Variants in NRXN3 observed in about 807,000 individuals in gnomAD.
NRXN3 encodes neurexin 3.
In NRXN3, 32 loss-of-function variants were observed where a neutral mutation model predicts 137.6. The ratio of observed to expected loss-of-function variants is 0.23; its 90% CI spans 0.18 to 0.31. NRXN3 has a LOEUF of 0.31. Ranked by LOEUF, NRXN3 falls within the 10% of genes least tolerant of loss-of-function variation. The probability of loss-of-function intolerance (pLI) is 1.00; values close to 1 mark genes in which losing one functional copy is unlikely to be tolerated. For synonymous variants in NRXN3, 798 were observed against 784.5 expected, an observed-to-expected ratio of 1.02 and a Z score of -0.29; for missense variants, 1,574 against 2,062.5, an observed-to-expected ratio of 0.76 and a Z score of 4.59.
chr14:78,295,773 C>G (rs1161623277), intron 3 of NRXN3, among the ~76,000 whole-genome samples: 1 of 152,124 alleles, frequency 6.6e-6, no homozygotes, highest in Non-Finnish European at 1.5e-5. Context: ...GTGAAATACA[C>G]TTTGGGAAGC....
chr14:79,864,504 C>T lies in NRXN3; in HGVS notation c.*2540C>T, dbSNP rs2099417100. The T allele has an allele frequency of 6.6e-6, 1 of 152,430 alleles. No individual in the cohort carries two copies. 9.4% of individuals were successfully genotyped at this position (152,430 alleles called of 1,614,324 possible). On this transcript the variant is annotated 3_prime_UTR_variant, in exon 21 of 21. Coordinates refer to ENST00000335750, the MANE Select transcript of NRXN3 (RefSeq NM_001330195.2). ...AATTATGTCATATCTTATTAAAAGCCGAGTAAGAGCTAGACCACTTTCATG... is the reference window on the plus strand; with the variant it reads ...AATTATGTCATATCTTATTAAAAGCTGAGTAAGAGCTAGACCACTTTCATG...
chr14:79,190,130 A>G (rs904707289), intron 15 of NRXN3, among the ~76,000 whole-genome samples: 1 of 152,178 alleles, frequency 6.6e-6, no homozygotes, highest in Admixed American at 6.5e-5. Flanking sequence ...TATGGATCAG[A>G]TATTGCATCA....
intron 14 of NRXN3, among the ~76,000 whole-genome samples, chr14:78,974,465 T>A (rs1486775744): frequency 6.6e-6 from 1 of 152,220 alleles, no homozygotes; most frequent in African/African-American, 2.4e-5. Flanking sequence ...TAATGGTTTG[T>A]AGGGAGAAGT....
intron 4 of NRXN3, among the ~76,000 whole-genome samples, chr14:78,314,501 C>T (rs1233131991): frequency 6.6e-6 from 1 of 152,174 alleles, no homozygotes; most frequent in African/African-American, 2.4e-5. Context: ...TTGCAGTCTA[C>T]TGGCAGAGGA....
chr14:79,596,138 A>G (rs2097856602), intron 16 of NRXN3, among the ~76,000 whole-genome samples: 1 of 151,732 alleles, frequency 6.6e-6, no homozygotes, highest in Non-Finnish European at 1.5e-5. Context: ...CTTTCTAGCA[A>G]TGGGTTTAAA....
intron 7 of NRXN3, chr14:78,709,891 A>G (rs986279635): frequency 3.9e-5 from 20 of 512,898 alleles, no homozygotes; most frequent in African/African-American, 3.9e-4. Flanking sequence ...TGATAGCTCT[A>G]CGATCCTGGA....
intron 15 of NRXN3, among the ~76,000 whole-genome samples, chr14:79,229,249 C>A (rs1392835084): frequency 6.6e-6 from 1 of 152,130 alleles, no homozygotes; most frequent in African/African-American, 2.4e-5. Flanking sequence ...TATAAGATTT[C>A]TTTGCCTTTA....
intron 15 of NRXN3, among the ~76,000 whole-genome samples, chr14:79,387,916 A>G (rs1026144980): frequency 3.0e-5 from 4 of 135,108 alleles, no homozygotes; most frequent in African/African-American, 8.4e-5. Context: ...GAACACTTGG[A>G]CACAGGAAGG....
At chr14:79,144,154 A>G (rs1055963827) in intron 15 of NRXN3, among the ~76,000 whole-genome samples, 2 of 152,182 alleles carry the variant, frequency 1.3e-5, no homozygotes, top group Admixed American at 6.5e-5. Context: ...ATCCCCTCAG[A>G]CAAAATCTAG....
At chr14:78,738,387 G>A (rs532264963) in intron 8 of NRXN3, among the ~76,000 whole-genome samples, 1 of 152,236 alleles carries the variant, frequency 6.6e-6, no homozygotes, top group Non-Finnish European at 1.5e-5. Context: ...CTCAGCCTTG[G>A]TCCGTCACTT....
intron 1 of NRXN3, among the ~76,000 whole-genome samples, chr14:78,206,959 G>C (rs1477842914): frequency 6.6e-6 from 1 of 152,188 alleles, no homozygotes; most frequent in Middle Eastern, 3.4e-3. Context: ...TGCCTCCCGG[G>C]TTCAAGCAAT....
chr14:79,722,640 T>A (rs1306395858), intron 19 of NRXN3, among the ~76,000 whole-genome samples: 1 of 152,142 alleles, frequency 6.6e-6, no homozygotes, highest in Non-Finnish European at 1.5e-5. Flanking sequence ...CTTTTGAGAT[T>A]CCAGGTGCCT....
At position 78,943,631 on chromosome 14, in the gene NRXN3, T is replaced by TATAA. The variant is rs1567778534; in HGVS notation, c.2276-13608_2276-13607insAATA. ...CTGTTAAAAAAAAAAAATATATATA[T>TATAA]ATATATATATATATATATATATATA... On this transcript the variant is annotated intron_variant, in intron 10 of 20. Transcript: ENST00000335750. 7.8e-4 allele frequency among the ~76,000 whole-genome samples: 13 copies of TATAA among 16,612 alleles called. 1 individual carries two copies. Among genetic ancestry groups the TATAA allele is most frequent in the African/African-American group, 3.5e-3 (9 of 2,564 alleles). The allele number at this position is 16,612 out of a possible 152,430, so 10.9% of individuals were successfully genotyped here.
chr14:79,657,015 A>C (rs1567796560), intron 16 of NRXN3, among the ~76,000 whole-genome samples: 1 of 152,144 alleles, frequency 6.6e-6, no homozygotes, highest in Non-Finnish European at 1.5e-5. Context: ...CATCCATATT[A>C]GTACTATTTC....
intron 10 of NRXN3, among the ~76,000 whole-genome samples, chr14:78,933,052 G>A (rs2099326741): frequency 6.6e-6 from 1 of 152,104 alleles, no homozygotes; most frequent in Non-Finnish European, 1.5e-5. Flanking sequence ...TGCATCGTCT[G>A]TCCATCCTTC....
At chr14:79,363,759 T>C (rs1037300127) in intron 15 of NRXN3, among the ~76,000 whole-genome samples, 1 of 152,204 alleles carries the variant, frequency 6.6e-6, no homozygotes, top group Non-Finnish European at 1.5e-5. Flanking sequence ...GCATAGAATA[T>C]CTTTGTGCTT....
chr14:79,240,290 T>C (rs182312049), intron 15 of NRXN3, among the ~76,000 whole-genome samples: 2 of 152,174 alleles, frequency 1.3e-5, no homozygotes, highest in Admixed American at 6.5e-5. Context: ...GTATTCCTTA[T>C]AGAAAAATGC....
chr14:79,014,084 G>A (rs1168808680), intron 15 of NRXN3, among the ~76,000 whole-genome samples: 1 of 152,124 alleles, frequency 6.6e-6, no homozygotes, highest in East Asian at 1.9e-4. Flanking sequence ...CCTCTGTATG[G>A]CAAGGAGCAG....
intron 4 of NRXN3, among the ~76,000 whole-genome samples, chr14:78,487,100 C>A (rs1239943925): frequency 6.6e-6 from 1 of 152,152 alleles, no homozygotes; most frequent in African/African-American, 2.4e-5. Context: ...TCTGAATGTA[C>A]CCAGTATTGG....
Sources: allele counts gnomAD v4.1 joint callset (sites outside exome capture counted in the v4.1 genomes callset), GRCh38; gene constraint gnomAD v4.1.1; transcripts MANE v1.5; gene names NCBI Gene and HGNC (gene_info 2026-07-23, HGNC 2026-07-21).